The following GPC6 variants were observed in gnomAD, a reference collection of about 807,000 sequenced individuals.
GPC6 encodes glypican 6, also known as glypican-6.
GPC6 carries 14 observed loss-of-function variants against 55.2 expected under a neutral mutation model. The observed-to-expected ratio is 0.25, with a 90% CI of 0.17 to 0.40. The LOEUF (loss-of-function observed/expected upper bound fraction) is 0.40, where lower values mean the gene tolerates loss of function less well. GPC6 is among the 10% of genes least tolerant of loss of function. The pLI is 1.00. For synonymous variants in GPC6, 278 were observed against 259.6 expected, an observed-to-expected ratio of 1.07 and a Z score of -0.68; for missense variants, 641 against 708.5, an observed-to-expected ratio of 0.90 and a Z score of 1.08.
At chr13:93,832,144 T>TATATATATATATATAA (rs1467780054) in intron 3 of GPC6, among the ~76,000 whole-genome samples, 5 of 100,808 alleles carry the variant, frequency 5.0e-5, no homozygotes, top group African/African-American at 8.0e-5. Flanking sequence ...TATATATATA[T>TATATATATATATATAA]AATGTCCTTA....
intron 3 of GPC6, among the ~76,000 whole-genome samples, chr13:93,940,082 A>G (rs1878656762): frequency 2.0e-5 from 3 of 152,294 alleles, no homozygotes; most frequent in Admixed American, 2.0e-4. Context: ...AAAGCACTTT[A>G]TTTCAACCTG....
chr13:93,694,929 A>C (rs1483561955), intron 2 of GPC6, among the ~76,000 whole-genome samples: 1 of 151,950 alleles, frequency 6.6e-6, no homozygotes, highest in East Asian at 1.9e-4. Flanking sequence ...AAAAAATCAC[A>C]CCTCTGTTCT....
intron 4 of GPC6, among the ~76,000 whole-genome samples, chr13:94,263,468 GT>G (rs1233951761): frequency 1.3e-5 from 2 of 152,154 alleles, no homozygotes; most frequent in Non-Finnish European, 2.9e-5. Context: ...GATCATGATG[GT>G]TTTTATACCC....
At chr13:94,337,868 C>A (rs757160324) in intron 6 of GPC6, among the ~76,000 whole-genome samples, 5 of 152,208 alleles carry the variant, frequency 3.3e-5, no homozygotes, top group Non-Finnish European at 5.9e-5. Flanking sequence ...CACCTGTGAA[C>A]ATTCACACCC....
At chr13:94,009,599 A>T (rs1018647995) in intron 3 of GPC6, among the ~76,000 whole-genome samples, 1 of 152,100 alleles carries the variant, frequency 6.6e-6, no homozygotes, top group Non-Finnish European at 1.5e-5. Context: ...GAAATAATTC[A>T]CCTAAGATGT....
chr13:93,834,869 A>G (rs1169122909), intron 3 of GPC6, among the ~76,000 whole-genome samples: 2 of 152,190 alleles, frequency 1.3e-5, no homozygotes, highest in Non-Finnish European at 2.9e-5. Flanking sequence ...AATTTTGATA[A>G]TGTGGGCACC....
At chr13:93,421,130 A>G (rs116494360) in intron 1 of GPC6, among the ~76,000 whole-genome samples, 3,053 of 152,246 alleles carry the variant, frequency 0.02, 116 homozygotes, top group African/African-American at 0.069. Context: ...AGAGGGAATC[A>G]GCTGCAGCCT....
At chr13:93,813,747 A>G (rs929082347) in intron 2 of GPC6, among the ~76,000 whole-genome samples, 1 of 151,876 alleles carries the variant, frequency 6.6e-6, no homozygotes, top group South Asian at 2.1e-4. Context: ...TATGTATCAT[A>G]TATAAATTTA....
Position 93,913,153 on chromosome 13 carries a change from A to G in GPC6, c.711+82608A>G, listed in dbSNP as rs928458145. 2.6e-5 allele frequency among the ~76,000 whole-genome samples: 4 copies of G among 152,208 alleles called. No homozygotes were observed. The South Asian group carries it at 8.3e-4, about 32-fold the overall frequency. ...CGGACATATCATTTTGGGGGACACT[A>G]TTCAACCTACATAGAGAATGAATTG... On this transcript the variant is annotated intron_variant, in intron 3 of 8. Transcript: ENST00000377047.
At chr13:94,060,344 G>A (rs1336513497) in intron 4 of GPC6, among the ~76,000 whole-genome samples, 1 of 152,094 alleles carries the variant, frequency 6.6e-6, no homozygotes, top group Non-Finnish European at 1.5e-5. Flanking sequence ...CTCCATGAGT[G>A]GGAGGATCTT....
chr13:93,769,839 G>C (rs4489872), intron 2 of GPC6, among the ~76,000 whole-genome samples: 4,214 of 152,252 alleles, frequency 0.028, 311 homozygotes, highest in East Asian at 0.18. Context: ...TCCAATCTTG[G>C]TAGGCACCAG....
At chr13:94,130,191 T>C (rs968193587) in intron 4 of GPC6, among the ~76,000 whole-genome samples, 1 of 152,170 alleles carries the variant, frequency 6.6e-6, no homozygotes, top group African/African-American at 2.4e-5. Context: ...TTTTTTTCTT[T>C]TTTCAACAGA....
At chr13:93,614,643 G>A (rs1878639610) in intron 2 of GPC6, among the ~76,000 whole-genome samples, 1 of 152,036 alleles carries the variant, frequency 6.6e-6, no homozygotes, top group African/African-American at 2.4e-5. Flanking sequence ...AAACAGTATA[G>A]TATTATCAAT....
intron 6 of GPC6, among the ~76,000 whole-genome samples, chr13:94,322,124 T>C (rs1021109950): frequency 1.2e-4 from 18 of 152,164 alleles, no homozygotes; most frequent in African/African-American, 3.6e-4. Flanking sequence ...AATTGAATCA[T>C]GGGGGCAGTT....
At chr13:93,689,902 TCA>T in intron 2 of GPC6, among the ~76,000 whole-genome samples, 1 of 152,268 alleles carries the variant, frequency 6.6e-6, no homozygotes, top group South Asian at 2.1e-4. Context: ...GATTAGTCAT[TCA>T]GCCTAAGCAG....
chr13:93,518,416 A>G (rs1346200906), intron 1 of GPC6, among the ~76,000 whole-genome samples: 3 of 151,904 alleles, frequency 2.0e-5, no homozygotes, highest in African/African-American at 2.4e-5. Flanking sequence ...TCACACCTCT[A>G]TCAGACACCT....
chr13:93,939,436 T>G (rs1354481812), intron 3 of GPC6, among the ~76,000 whole-genome samples: 1 of 151,346 alleles, frequency 6.6e-6, no homozygotes, highest in African/African-American at 2.4e-5. Context: ...ATAATAATAA[T>G]GATAATAATA....
intron 1 of GPC6, among the ~76,000 whole-genome samples, chr13:93,457,757 T>C (rs1878514935): frequency 6.6e-6 from 1 of 152,112 alleles, no homozygotes; most frequent in Admixed American, 6.6e-5. Context: ...GTTCATCCTA[T>C]GTGACAAGAA....
At chr13:93,362,287 C>G (rs1326392376) in intron 1 of GPC6, among the ~76,000 whole-genome samples, 2 of 152,144 alleles carry the variant, frequency 1.3e-5, no homozygotes, top group Non-Finnish European at 2.9e-5. Flanking sequence ...CAAGGTCTCT[C>G]CAGCATGTTT....
Sources: gnomAD v4.1 joint callset for allele counts (sites outside exome capture counted in the v4.1 genomes callset) on GRCh38, gnomAD v4.1.1 for gene constraint, MANE v1.5 for transcripts, NCBI Gene and HGNC (gene_info 2026-07-23, HGNC 2026-07-21) for gene names.